The following UNC13C variants were observed in gnomAD, a reference collection of about 807,000 sequenced individuals.
UNC13C encodes protein unc-13 homolog C.
In UNC13C, 174 loss-of-function variants were observed where a neutral mutation model predicts 245.4. The observed-to-expected ratio is 0.71, with a 90% CI of 0.63 to 0.80. The LOEUF is 0.80. Ranked by LOEUF, UNC13C falls within the 30% of genes least tolerant of loss-of-function variation. UNC13C has a pLI of 0.00. For missense variants in UNC13C, 2,829 were observed against 2,602.9 expected (o/e 1.09, Z -1.89); for synonymous variants, 992 against 895.1 (o/e 1.11, Z -1.93).
chr15:54,172,687 G>A (rs1160195906), intron 4 of UNC13C, among the ~76,000 whole-genome samples: 1 of 90,564 alleles, frequency 1.1e-5, no homozygotes, highest in African/African-American at 3.8e-5. Flanking sequence ...TTATGACAAA[G>A]TCAAATACAC....
intron 17 of UNC13C, among the ~76,000 whole-genome samples, chr15:54,380,227 G>A (rs2039694317): frequency 6.6e-6 from 1 of 151,372 alleles, no homozygotes; most frequent in African/African-American, 2.4e-5. Flanking sequence ...CCATACATGA[G>A]CGTGATTTTT....
chr15:54,417,381 GT>G (rs1404829491), intron 19 of UNC13C, among the ~76,000 whole-genome samples: 2 of 152,020 alleles, frequency 1.3e-5, no homozygotes, highest in East Asian at 1.9e-4. Context: ...CTCCCCTTTT[GT>G]TTGAGTAGAA....
chr15:54,122,576 A>G (rs1224124258), intron 2 of UNC13C, among the ~76,000 whole-genome samples: 5 of 151,974 alleles, frequency 3.3e-5, no homozygotes, highest in South Asian at 2.1e-4. Context: ...CAATTTCACA[A>G]TCAAGATAGA....
chr15:54,056,104 GA>G lies in UNC13C; in HGVS notation c.2983+40219del, dbSNP rs1433013566. Among the ~76,000 whole-genome samples, 3 of 152,164 alleles carry G rather than the reference GA, an allele frequency of 2.0e-5. No homozygotes were observed. The East Asian group carries it at 5.8e-4, about 29-fold the overall frequency. ...CCTCACCAGCAACGGAACAAAGCTGGACGGAGAATGACTTTGACGAGTTGAG... is the reference window on the plus strand; with the variant it reads ...CCTCACCAGCAACGGAACAAAGCTGGCGGAGAATGACTTTGACGAGTTGAG... On this transcript the variant is annotated intron_variant, in intron 2 of 32. Coordinates refer to ENST00000260323, the MANE Select transcript of UNC13C (RefSeq NM_001080534.3).
At chr15:54,382,454 T>A (rs569416332) in intron 17 of UNC13C, among the ~76,000 whole-genome samples, 1 of 152,100 alleles carries the variant, frequency 6.6e-6, no homozygotes, top group African/African-American at 2.4e-5. Context: ...CCTAGTGTAG[T>A]GGCATATGCC....
chr15:53,957,656 T>C, the UNC13C span, among the ~76,000 whole-genome samples: 1 of 152,238 alleles, frequency 6.6e-6, no homozygotes, highest in African/African-American at 2.4e-5. Flanking sequence ...CCAGAAATTC[T>C]GAGGAGATTG....
upstream of UNC13C, chr15:53,974,924 T>G (rs1893649250): frequency 6.6e-6 from 1 of 152,232 alleles, no homozygotes; most frequent in Non-Finnish European, 1.5e-5. Flanking sequence ...GCTTCTAAAA[T>G]GGCTCATTCG....
intron 24 of UNC13C, among the ~76,000 whole-genome samples, chr15:54,524,258 A>C (rs1030192676): frequency 6.6e-6 from 1 of 150,692 alleles, no homozygotes; most frequent in Non-Finnish European, 1.5e-5. Context: ...TCACTCTTAT[A>C]GAAGTCTCTA....
In UNC13C at chr15:54,238,145, G is replaced by A. The variant is rs137860150; in HGVS notation, c.3228+455G>A. Among the ~76,000 whole-genome samples, 1,059 of 139,240 alleles carry A rather than the reference G, an allele frequency of 7.6e-3. 10 individuals carry two copies. The highest frequency in any genetic ancestry group is 0.028 in the African/African-American group (1,012 of 36,388). 91.3% of individuals were successfully genotyped at this position (139,240 alleles called of 152,430 possible). ...GCTGCAGTGCAGTGGCACGATCTCG[G>A]CTCACTGCAACCTCCACCTCCTGGG... On this transcript the variant is annotated intron_variant, in intron 7 of 32. Transcript: ENST00000260323.
chr15:54,494,105 A>G (rs967611302), intron 19 of UNC13C, among the ~76,000 whole-genome samples: 2 of 152,136 alleles, frequency 1.3e-5, no homozygotes, highest in African/African-American at 4.8e-5. Context: ...CATATCTCCA[A>G]TATTGATTAA....
intron 30 of UNC13C, among the ~76,000 whole-genome samples, chr15:54,599,578 T>C (rs1168210391): frequency 6.6e-6 from 1 of 152,142 alleles, no homozygotes; most frequent in African/African-American, 2.4e-5. Flanking sequence ...TCATTATGGA[T>C]CTAGGGCACT....
At chr15:54,469,781 G>T (rs1362478376) in intron 19 of UNC13C, among the ~76,000 whole-genome samples, 1 of 151,446 alleles carries the variant, frequency 6.6e-6, no homozygotes, top group Non-Finnish European at 1.5e-5. Flanking sequence ...ATGAAGGGCT[G>T]ACTGTACTAT....
chr15:53,972,602 C>G, the UNC13C span: 1 of 152,004 alleles, frequency 6.6e-6, no homozygotes, highest in African/African-American at 2.4e-5. Context: ...TTCTAAAAAC[C>G]TGTTAGACAA....
the UNC13C span, among the ~76,000 whole-genome samples, chr15:53,949,480 T>C: frequency 6.6e-6 from 1 of 152,216 alleles, no homozygotes; most frequent in African/African-American, 2.4e-5. Context: ...TGTAGAATAA[T>C]TTCTCAAAGA....
intron 30 of UNC13C, among the ~76,000 whole-genome samples, chr15:54,593,648 C>T (rs1021235217): frequency 6.6e-6 from 1 of 152,086 alleles, no homozygotes; most frequent in Non-Finnish European, 1.5e-5. Context: ...GCATTTCATG[C>T]TTCTAAAAGT....
chr15:53,893,247 T>G, the UNC13C span, among the ~76,000 whole-genome samples: 1 of 152,206 alleles, frequency 6.6e-6, no homozygotes, highest in African/African-American at 2.4e-5. Context: ...GAGGGGCACC[T>G]GCTAGATGCC....
chr15:54,074,070 G>C (rs916955044), intron 2 of UNC13C, among the ~76,000 whole-genome samples: 2 of 152,136 alleles, frequency 1.3e-5, no homozygotes, highest in Non-Finnish European at 2.9e-5. Flanking sequence ...GTGTAAGGAA[G>C]GAGTCCGGTT....
At chr15:54,040,224 T>A (rs749255655) in intron 2 of UNC13C, among the ~76,000 whole-genome samples, 4 of 152,108 alleles carry the variant, frequency 2.6e-5, no homozygotes, top group Admixed American at 6.6e-5. Flanking sequence ...TGCAACTAGT[T>A]TATTTCAAAG....
At chr15:54,226,109 T>A (rs1381522343) in intron 4 of UNC13C, among the ~76,000 whole-genome samples, 4 of 152,218 alleles carry the variant, frequency 2.6e-5, no homozygotes, top group Non-Finnish European at 5.9e-5. Flanking sequence ...AAATTACATT[T>A]ATTGATTTGT....
Sources: gnomAD v4.1 joint callset for allele counts (sites outside exome capture counted in the v4.1 genomes callset) on GRCh38, gnomAD v4.1.1 for gene constraint, MANE v1.5 for transcripts, NCBI Gene and HGNC (gene_info 2026-07-23, HGNC 2026-07-21) for gene names.